DOCK4: variants seen among roughly 807,000 people sequenced by gnomAD.
DOCK4 encodes dedicator of cytokinesis protein 4.
A neutral mutation model predicts 268.1 loss-of-function variants in DOCK4; 97 were observed. That is an observed-to-expected ratio of 0.36 (90% CI 0.31 to 0.43). The LOEUF (loss-of-function observed/expected upper bound fraction) is 0.43, where lower values mean the gene tolerates loss of function less well. Among genes scored for constraint, DOCK4 ranks in the 20% least tolerant of loss-of-function variants. The pLI is 1.00. For missense variants in DOCK4, 2,145 were observed against 2,455.7 expected, an observed-to-expected ratio of 0.87 and a Z score of 2.67; for synonymous variants, 954 against 887.2, an observed-to-expected ratio of 1.08 and a Z score of -1.34.
chr7:111,864,154 A>G (rs988858511), intron 22 of DOCK4, among the ~76,000 whole-genome samples: 4 of 152,184 alleles, frequency 2.6e-5, no homozygotes, highest in African/African-American at 9.7e-5. Context: ...CTGTAAAACA[A>G]AAAGATCATT....
In DOCK4 at chr7:111,755,327, C is replaced by A. The variant is rs547135410; in HGVS notation, c.4416+188G>T. Among the ~76,000 whole-genome samples, 19 of 152,194 alleles carry A rather than the reference C, an allele frequency of 1.2e-4. No homozygotes were observed. The South Asian group carries it at 3.1e-3, about 25-fold the overall frequency. ...TTTTCAAGGAATCCCTCCATCTGGACACATTAGGATAATATTAATATTCAC... is the reference window on the plus strand; with the variant it reads ...TTTTCAAGGAATCCCTCCATCTGGAAACATTAGGATAATATTAATATTCAC... On this transcript the variant is annotated intron_variant, in intron 42 of 52. Coordinates refer to ENST00000428084, the MANE Select transcript of DOCK4 (RefSeq NM_001363540.2).
chr7:111,747,192 CT>C (rs1656024915), intron 43 of DOCK4, 74 bp downstream of exon 43: 1 of 1,457,574 alleles, frequency 6.9e-7, no homozygotes, highest in Non-Finnish European at 9.3e-7. Context: ...GGTACATAGT[CT>C]GAAAAAAGAT....
At chr7:111,740,923 C>T (rs575630737) in intron 47 of DOCK4, among the ~76,000 whole-genome samples, 171 bp downstream of exon 47, 4 of 151,802 alleles carry the variant, frequency 2.6e-5, no homozygotes, top group African/African-American at 7.3e-5. Flanking sequence ...TTAAGAGAAA[C>T]GTCTTTGTAG....
intron 11 of DOCK4, among the ~76,000 whole-genome samples, chr7:111,938,867 C>T (rs1038183030): frequency 4.6e-5 from 7 of 150,910 alleles, no homozygotes; most frequent in African/African-American, 1.7e-4. Flanking sequence ...CCCAGCTACT[C>T]AGGAGGCTGA....
chr7:112,031,099 A>G lies in DOCK4; in HGVS notation c.38-26968T>C, dbSNP rs142189727. 3.7e-3 allele frequency among the ~76,000 whole-genome samples: 558 copies of G among 152,356 alleles called. 1 individual carries two copies. The highest frequency in any genetic ancestry group is 0.012 in the African/African-American group (491 of 41,582). On this transcript the variant is annotated intron_variant, in intron 1 of 52. Transcript: ENST00000428084. ...TATACAAATAGAGGAGCATCATACTACCACTATCTATTAACAACTAGATCA... is the reference window on the plus strand; with the variant it reads ...TATACAAATAGAGGAGCATCATACTGCCACTATCTATTAACAACTAGATCA...
intron 1 of DOCK4, among the ~76,000 whole-genome samples, chr7:112,026,220 C>T (rs950340776): frequency 3.3e-5 from 5 of 152,228 alleles, no homozygotes; most frequent in East Asian, 1.9e-4. Flanking sequence ...GAGTGGCAAG[C>T]GGGTCAGCAT....
chr7:111,831,795 A>G (rs1215116258), intron 26 of DOCK4, among the ~76,000 whole-genome samples: 4 of 152,066 alleles, frequency 2.6e-5, no homozygotes, highest in South Asian at 2.1e-4. Flanking sequence ...GGCCAAATGC[A>G]TTTTCAATAG....
chr7:112,028,219 C>A (rs1186042494), intron 1 of DOCK4, among the ~76,000 whole-genome samples: 1 of 152,156 alleles, frequency 6.6e-6, no homozygotes, highest in African/African-American at 2.4e-5. Context: ...AAAGATTAAC[C>A]TGAAGAAGGC....
intron 24 of DOCK4, among the ~76,000 whole-genome samples, chr7:111,845,124 A>G (rs114703007): frequency 0.017 from 2,596 of 152,266 alleles, 60 homozygotes; most frequent in African/African-American, 0.059. Context: ...AAGGTGGGTG[A>G]TATCATGAAG....
chr7:112,014,898 C>T (rs1801679787), intron 1 of DOCK4, among the ~76,000 whole-genome samples: 1 of 151,890 alleles, frequency 6.6e-6, no homozygotes, highest in Non-Finnish European at 1.5e-5. Context: ...GAGTGAGATC[C>T]TGTCTCGAAA....
At chr7:112,106,419 G>A (rs1811151574) in intron 1 of DOCK4, among the ~76,000 whole-genome samples, 1 of 152,178 alleles carries the variant, frequency 6.6e-6, no homozygotes, top group African/African-American at 2.4e-5. Context: ...CAGAGGTGGG[G>A]TGCTAAGGAG....
At position 111,758,314 on chromosome 7, in the gene DOCK4, G is replaced by T. The variant is rs532450701; in HGVS notation, c.4329+310C>A. 3.3e-5 allele frequency among the ~76,000 whole-genome samples: 5 copies of T among 152,290 alleles called. No homozygotes were observed. In the South Asian group the frequency reaches 1.0e-3, roughly 32 times the overall value. On this transcript the variant is annotated intron_variant, in intron 41 of 52. Coordinates refer to ENST00000428084, the MANE Select transcript of DOCK4 (RefSeq NM_001363540.2). Reference sequence around the variant, plus strand: ...TGAATAAGAGGACTGACTTCAGCCAGGAGTTCTCAAAGACTGGTCTAAGAA... The same window carrying T: ...TGAATAAGAGGACTGACTTCAGCCATGAGTTCTCAAAGACTGGTCTAAGAA...
intron 1 of DOCK4, among the ~76,000 whole-genome samples, chr7:112,034,853 G>T (rs752401732): frequency 3.9e-5 from 6 of 152,164 alleles, no homozygotes; most frequent in Non-Finnish European, 8.8e-5. Flanking sequence ...AGTGGGCCAA[G>T]ATCCTGCCAT....
At chr7:111,837,771 T>C (rs971391552) in intron 25 of DOCK4, among the ~76,000 whole-genome samples, 22 of 151,986 alleles carry the variant, frequency 1.4e-4, no homozygotes, top group African/African-American at 4.6e-4. Context: ...TGTTCATGGA[T>C]TGGGAAATGC....
chr7:112,047,252 AC>A (rs1804907233), intron 1 of DOCK4, among the ~76,000 whole-genome samples: 2 of 152,220 alleles, frequency 1.3e-5, no homozygotes, highest in South Asian at 2.1e-4. Flanking sequence ...ACTTAACTGC[AC>A]CCCAGAAGGA....
At chr7:111,881,472 A>C (rs1003333031) in intron 16 of DOCK4, among the ~76,000 whole-genome samples, 23 of 152,182 alleles carry the variant, frequency 1.5e-4, no homozygotes, top group Non-Finnish European at 1.5e-5. Context: ...TACACTTTTG[A>C]TGGGAATGTC....
Position 111,769,416 on chromosome 7 carries a change from G to A in DOCK4, c.3828+113C>T, listed in dbSNP as rs56683533. ...TTTGGGTGTTTCTAATATACATTAA[G>A]ATGTGAGGATCCCTGCTTAAGGAGG... On this transcript the variant is annotated intron_variant, in intron 37 of 52. Coordinates refer to ENST00000428084, the MANE Select transcript of DOCK4 (RefSeq NM_001363540.2). 24,084 of 1,323,236 alleles carry A rather than the reference G, an allele frequency of 0.018. 2,687 individuals are homozygous for A. The African/African-American group carries it at 0.27, about 15-fold the overall frequency. The allele number at this position is 1,323,236 out of a possible 1,614,324, so 82.0% of individuals were successfully genotyped here.
chr7:112,052,183 A>T (rs751146535), intron 1 of DOCK4, among the ~76,000 whole-genome samples: 13 of 152,148 alleles, frequency 8.5e-5, no homozygotes, highest in African/African-American at 2.7e-4. Flanking sequence ...AAGACTGTAC[A>T]TGTTCAGTAC....
chr7:112,052,287 T>TTAC (rs1462969521), intron 1 of DOCK4, among the ~76,000 whole-genome samples: 1 of 152,182 alleles, frequency 6.6e-6, no homozygotes, highest in Admixed American at 6.6e-5. Context: ...TGTGTGTGTA[T>TTAC]ATACATATAT....
Sources: gnomAD v4.1 joint callset for allele counts (sites outside exome capture counted in the v4.1 genomes callset) on GRCh38, gnomAD v4.1.1 for gene constraint, MANE v1.5 for transcripts, NCBI Gene and HGNC (gene_info 2026-07-23, HGNC 2026-07-21) for gene names.